COL24A1: variants seen among roughly 807,000 people sequenced by gnomAD.
COL24A1 encodes collagen type XXIV alpha 1 chain.
In COL24A1, 224 loss-of-function variants were observed where a neutral mutation model predicts 253.9. That is an observed-to-expected ratio of 0.88 (90% CI 0.79 to 0.99). COL24A1 has a LOEUF of 0.99. Among genes scored for constraint, COL24A1 ranks in the 50% least tolerant of loss-of-function variants. The pLI is 0.00. For missense variants in COL24A1, 2,131 were observed against 2,068.5 expected, an observed-to-expected ratio of 1.03 and a Z score of -0.59; for synonymous variants, 685 against 673.7, an observed-to-expected ratio of 1.02 and a Z score of -0.26.
intron 1 of COL24A1, among the ~76,000 whole-genome samples, chr1:86,148,308 C>A (rs1652200291): frequency 6.6e-6 from 1 of 152,130 alleles, no homozygotes; most frequent in African/African-American, 2.4e-5. Context: ...TCTCAGCCTC[C>A]TGAATAGCTG....
chr1:85,858,111 C>T (rs1197040078), intron 37 of COL24A1, among the ~76,000 whole-genome samples: 1 of 152,138 alleles, frequency 6.6e-6, no homozygotes. Flanking sequence ...CATTCCAAGC[C>T]ACCAACATTT....
At chr1:86,004,802 G>A (rs1048434677) in intron 19 of COL24A1, among the ~76,000 whole-genome samples, 1 of 152,168 alleles carries the variant, frequency 6.6e-6, no homozygotes, top group Non-Finnish European at 1.5e-5. Flanking sequence ...AATTATGACT[G>A]CTACCAGAGC....
intron 55 of COL24A1, among the ~76,000 whole-genome samples, chr1:85,748,682 T>G (rs1427437310): frequency 7.0e-6 from 1 of 142,012 alleles, no homozygotes; most frequent in Non-Finnish European, 1.5e-5. Context: ...GTGCGCACTG[T>G]GCGCGAGCCG....
intron 37 of COL24A1, among the ~76,000 whole-genome samples, chr1:85,860,709 C>G (rs1411107536): frequency 1.3e-5 from 2 of 152,182 alleles, no homozygotes; most frequent in East Asian, 3.8e-4. Flanking sequence ...CCACTGCACT[C>G]TAGCCTGGGC....
intron 19 of COL24A1, among the ~76,000 whole-genome samples, chr1:86,006,369 A>G (rs530099872): frequency 1.1e-3 from 167 of 152,338 alleles, no homozygotes; most frequent in Non-Finnish European, 2.1e-3. Context: ...AAATACAGTC[A>G]CCTGATCTTT....
intron 47 of COL24A1, among the ~76,000 whole-genome samples, chr1:85,804,140 T>C (rs1346361035): frequency 6.6e-6 from 1 of 151,872 alleles, no homozygotes; most frequent in Non-Finnish European, 1.5e-5. Flanking sequence ...ATAACAGAAA[T>C]AAAAGGAGAA....
chr1:85,987,387 T>C (rs1346619548), intron 20 of COL24A1, among the ~76,000 whole-genome samples: 1 of 151,906 alleles, frequency 6.6e-6, no homozygotes, highest in East Asian at 1.9e-4. Context: ...TTCTGGGTGA[T>C]TTTGCAAATA....
At chr1:85,795,805 C>T (rs533482472) in intron 47 of COL24A1, among the ~76,000 whole-genome samples, 1 of 152,048 alleles carries the variant, frequency 6.6e-6, no homozygotes, top group Admixed American at 6.5e-5. Flanking sequence ...AATGTAAGTA[C>T]TATTTTTTTT....
At chr1:86,055,488 C>T (rs1029145325) in intron 10 of COL24A1, among the ~76,000 whole-genome samples, 3 of 152,014 alleles carry the variant, frequency 2.0e-5, no homozygotes, top group African/African-American at 4.8e-5. Flanking sequence ...TAATACAATG[C>T]AAAAATGGTA....
At chr1:86,135,708 T>C (rs1218266193) in intron 2 of COL24A1, among the ~76,000 whole-genome samples, 1 of 152,074 alleles carries the variant, frequency 6.6e-6, no homozygotes, top group African/African-American at 2.4e-5. Flanking sequence ...CTTCTTTTAC[T>C]TTTCCCTGAG....
At chr1:85,736,653 A>AT in intron 58 of COL24A1, 1 of 355,634 alleles carries the variant, frequency 2.8e-6, no homozygotes, top group Non-Finnish European at 5.6e-6. Flanking sequence ...AAGAGATTGA[A>AT]TTTTATCTGC....
chr1:85,968,265 T>C (rs1470298695), intron 22 of COL24A1, among the ~76,000 whole-genome samples: 2 of 152,128 alleles, frequency 1.3e-5, no homozygotes, highest in Non-Finnish European at 2.9e-5. Flanking sequence ...CTAATACAAG[T>C]GGTAACGCTC....
intron 17 of COL24A1, 114 bp from the exon 18 acceptor site, chr1:86,022,407 G>T: frequency 7.3e-7 from 1 of 1,367,622 alleles, no homozygotes. Flanking sequence ...TGAGACAAAA[G>T]TTTCAAACAA....
intron 24 of COL24A1, among the ~76,000 whole-genome samples, chr1:85,953,061 C>T (rs1373203023): frequency 2.0e-5 from 3 of 152,074 alleles, no homozygotes; most frequent in East Asian, 1.9e-4. Context: ...TTCTTTAATA[C>T]CAACAAGCAA....
intron 53 of COL24A1, among the ~76,000 whole-genome samples, chr1:85,775,155 T>C (rs1336769952): frequency 6.6e-6 from 1 of 152,210 alleles, no homozygotes; most frequent in Non-Finnish European, 1.5e-5. Flanking sequence ...AAGCAGGTTG[T>C]TCAGTTTCCA....
chr1:86,156,139 C>T (rs1195643247), intron 1 of COL24A1: 3 of 532,178 alleles, frequency 5.6e-6, no homozygotes, highest in Non-Finnish European at 1.0e-5. Context: ...TGTCTGAGAT[C>T]TGCTGGCACG....
At chr1:86,050,574 C>A (rs1005532281) in intron 10 of COL24A1, among the ~76,000 whole-genome samples, 6 of 151,918 alleles carry the variant, frequency 3.9e-5, no homozygotes, top group Non-Finnish European at 5.9e-5. Flanking sequence ...CAAAGGCAAT[C>A]AAAGAAGGCT....
rs573362925 is a variant in COL24A1, at chr1:85,821,630, T to C, written c.3789+1906A>G. ...TAGCAATTAATACTATTTTAAATTC[T>C]AAGAGGCTTTTTAATGTGCCCTTGG... is the stretch of plus-strand genomic sequence containing the variant. On this transcript the variant is annotated intron_variant, in intron 45 of 59. Transcript: ENST00000370571. 1.8e-4 allele frequency among the ~76,000 whole-genome samples: 27 copies of C among 152,296 alleles called. No homozygotes were observed. The East Asian group carries it at 5.2e-3, about 29-fold the overall frequency.
At chr1:85,968,891 CATATT>C (rs1691836143) in intron 22 of COL24A1, among the ~76,000 whole-genome samples, 2 of 152,220 alleles carry the variant, frequency 1.3e-5, no homozygotes. Flanking sequence ...TAAATTCTAT[CATATT>C]GTATTGATTT....
Sources: gnomAD v4.1 joint callset for allele counts (sites outside exome capture counted in the v4.1 genomes callset) on GRCh38, gnomAD v4.1.1 for gene constraint, MANE v1.5 for transcripts, NCBI Gene and HGNC (gene_info 2026-07-23, HGNC 2026-07-21) for gene names.